The following AEBP2 variants were observed in gnomAD, a reference collection of about 807,000 sequenced individuals.
The protein encoded by AEBP2 is AE binding protein 2.
A neutral mutation model predicts 50.8 loss-of-function variants in AEBP2; 10 were observed. That is an observed-to-expected ratio of 0.20 (90% CI 0.12 to 0.33). The LOEUF is 0.33. Ranked by LOEUF, AEBP2 falls within the 10% of genes least tolerant of loss-of-function variation. The pLI is 1.00. For synonymous variants in AEBP2, 296 were observed against 261.3 expected (o/e 1.13, Z -1.28); for missense variants, 570 against 688.0 (o/e 0.83, Z 1.92).
intron 1 of AEBP2, among the ~76,000 whole-genome samples, chr12:19,459,991 G>A (rs1948344275): frequency 6.6e-6 from 1 of 152,122 alleles, no homozygotes; most frequent in Non-Finnish European, 1.5e-5. Context: ...GGAGGCCAAG[G>A]CAGGAGGATT....
intron 1 of AEBP2, among the ~76,000 whole-genome samples, chr12:19,409,454 T>C (rs2095738132): frequency 1.3e-5 from 2 of 152,066 alleles, no homozygotes; most frequent in Admixed American, 6.6e-5. Flanking sequence ...CTCAGAATCA[T>C]ATTTTTTTAA....
At chr12:19,493,742 A>G in intron 3 of AEBP2, 58 bp from the exon 4 acceptor site, 4 of 1,495,626 alleles carry the variant, frequency 2.7e-6, no homozygotes, top group Admixed American at 2.1e-5. Context: ...ACTCATTGAT[A>G]TTCTTCTCGT....
At chr12:19,420,600 A>G (rs2095745125) in intron 1 of AEBP2, among the ~76,000 whole-genome samples, 1 of 152,244 alleles carries the variant, frequency 6.6e-6, no homozygotes, top group South Asian at 2.1e-4. Flanking sequence ...TGCTGGGATT[A>G]CAGGCTTGAG....
In AEBP2 at chr12:19,413,350, C is replaced by G. The variant is rs1405535886; in HGVS notation, c.-17+9134C>G. 4 of 1,066,218 alleles carry G rather than the reference C, an allele frequency of 3.8e-6. No individual in the cohort carries two copies. The African/African-American group carries it at 6.2e-5, about 17-fold the overall frequency. The allele number at this position is 1,066,218 out of a possible 1,614,324, so 66.0% of individuals were successfully genotyped here. On this transcript the variant is annotated intron_variant, in intron 1 of 3. Coordinates refer to the AEBP2 transcript ENST00000538425. ...ATGGACAACTGAGAAGGTGTCAGAA[C>G]AAGGTTTAATAGAAATCCTTTAAAA...
At chr12:19,468,069 A>G (rs1948509273) in intron 2 of AEBP2, among the ~76,000 whole-genome samples, 1 of 151,428 alleles carries the variant, frequency 6.6e-6, no homozygotes, top group African/African-American at 2.4e-5. Context: ...GAAAAAGAAA[A>G]TAAAAATTGG....
At chr12:19,446,826 C>A (rs1948078294) in intron 1 of AEBP2, among the ~76,000 whole-genome samples, 2 of 151,340 alleles carry the variant, frequency 1.3e-5, no homozygotes, top group Non-Finnish European at 1.5e-5. Flanking sequence ...ACTTGAAAGG[C>A]TGAGGCAGGA....
intron 1 of AEBP2, among the ~76,000 whole-genome samples, chr12:19,416,173 C>T (rs897747565): frequency 1.3e-5 from 2 of 152,078 alleles, no homozygotes; most frequent in African/African-American, 2.4e-5. Flanking sequence ...CAGAGTGAAA[C>T]CTTGTCTTTA....
chr12:19,439,816 G>GGAGGAA lies in AEBP2; in HGVS notation c.123_128dup (p.Glu47_Glu48dup), dbSNP rs1565702064. The GGAGGAA allele has an allele frequency of 1.3e-6, 2 of 1,508,114 alleles. No individual in the cohort carries two copies. The highest frequency in any genetic ancestry group is 1.8e-6 in the Non-Finnish European group (2 of 1,135,518). The allele number at this position is 1,508,114 out of a possible 1,614,324, so 93.4% of individuals were successfully genotyped here. A position where few individuals can be genotyped will look rare whatever the true frequency, so the allele number is the denominator to read the frequency against. ...GCCGGGCTGAGCCCCCCGAGGAGGA[G>GGAGGAA]GAGGAAGAGGAGGAGGAGGAAGAGG... On this transcript the variant is annotated inframe_insertion, in exon 1 of 8. Transcript: ENST00000266508.
At chr12:19,468,662 C>T (rs1948524269) in intron 2 of AEBP2, among the ~76,000 whole-genome samples, 1 of 152,132 alleles carries the variant, frequency 6.6e-6, no homozygotes, top group Non-Finnish European at 1.5e-5. Context: ...TACACTGGTA[C>T]AAGGATACAC....
At chr12:19,442,696 T>G (rs11612583) in intron 1 of AEBP2, among the ~76,000 whole-genome samples, 11,426 of 152,298 alleles carry the variant, frequency 0.075, 483 homozygotes, top group South Asian at 0.19. Flanking sequence ...GTTTTTAATG[T>G]CACCATTTCA....
intron 1 of AEBP2, chr12:19,457,646 C>T: frequency 2.9e-6 from 4 of 1,378,266 alleles, no homozygotes; most frequent in Non-Finnish European, 3.8e-6. Flanking sequence ...TTTCCTTTCC[C>T]ATTTTGGCTT....
In AEBP2 at chr12:19,440,062, C is replaced by T; in HGVS notation, c.363C>T (p.Ser121=). The change falls in exon 1 of 8, where the codon AGC becomes AGT. Residue 121 remains serine, a synonymous_variant. Transcript: ENST00000266508. ...SSSGGGEEES[S]AESLVGSSGG... is the part of the protein sequence containing the mutation. Reference sequence around the variant, plus strand: ...GCGGCGGGGGTGAGGAGGAGAGTAGCGCCGAGAGCCTGGTGGGCAGCAGCG... The same window carrying T: ...GCGGCGGGGGTGAGGAGGAGAGTAGTGCCGAGAGCCTGGTGGGCAGCAGCG... The T allele has an allele frequency of 2.0e-6, 3 of 1,515,824 alleles. No homozygotes were observed. Among genetic ancestry groups the T allele is most frequent in the Non-Finnish European group, 2.6e-6 (3 of 1,137,806 alleles). The allele number at this position is 1,515,824 out of a possible 1,614,324, so 93.9% of individuals were successfully genotyped here.
intron 1 of AEBP2, among the ~76,000 whole-genome samples, chr12:19,443,659 G>T (rs1328251531): frequency 6.6e-6 from 1 of 152,002 alleles, no homozygotes; most frequent in Non-Finnish European, 1.5e-5. Context: ...GGAGGCGGAG[G>T]TTACAGTGAG....
chr12:19,511,614 T>G (rs1949233426), intron 5 of AEBP2, among the ~76,000 whole-genome samples: 1 of 152,028 alleles, frequency 6.6e-6, no homozygotes, highest in Non-Finnish European at 1.5e-5. Flanking sequence ...CTTGAGGAGG[T>G]CCAGAAGAAT....
chr12:19,472,262 A>C (rs1948584391), intron 2 of AEBP2, among the ~76,000 whole-genome samples: 1 of 152,174 alleles, frequency 6.6e-6, no homozygotes, highest in Non-Finnish European at 1.5e-5. Flanking sequence ...TACAGTCTTC[A>C]AAGTGTGACT....
chr12:19,411,172 C>T (rs968178608), intron 1 of AEBP2, among the ~76,000 whole-genome samples: 1 of 152,302 alleles, frequency 6.6e-6, no homozygotes. Context: ...GAAGCTTGGA[C>T]TACAATTTGA....
chr12:19,509,061 A>C (rs1949195221), intron 5 of AEBP2: 1 of 593,768 alleles, frequency 1.7e-6, no homozygotes, highest in Middle Eastern at 4.0e-4. Flanking sequence ...CCAGGCAGAC[A>C]TGGAGGGGTT....
chr12:19,421,011 G>A (rs1010741999), intron 1 of AEBP2, among the ~76,000 whole-genome samples: 1 of 152,160 alleles, frequency 6.6e-6, no homozygotes, highest in African/African-American at 2.4e-5. Context: ...GTTTCTTCAT[G>A]GCTGAAGATT....
chr12:19,409,317 G>A (rs927775563), intron 1 of AEBP2, among the ~76,000 whole-genome samples: 4 of 151,054 alleles, frequency 2.6e-5, no homozygotes, highest in African/African-American at 9.8e-5. Context: ...ATTAAATAAG[G>A]TTGAATCAAC....
Sources: gnomAD v4.1 joint callset for allele counts (sites outside exome capture counted in the v4.1 genomes callset) on GRCh38, gnomAD v4.1.1 for gene constraint, MANE v1.5 for transcripts, NCBI Gene and HGNC (gene_info 2026-07-23, HGNC 2026-07-21) for gene names.